KDM6A: variants seen among roughly 807,000 people sequenced by gnomAD.
KDM6A encodes lysine-specific demethylase 6A.
KDM6A carries 11 observed loss-of-function variants against 117.6 expected under a neutral mutation model. The ratio of observed to expected loss-of-function variants is 0.09; its 90% CI spans 0.06 to 0.15. The LOEUF is 0.15. KDM6A is among the 10% of genes least tolerant of loss of function. The pLI, the probability that KDM6A is intolerant of heterozygous loss-of-function variation, is 1.00. For missense variants in KDM6A, 799 were observed against 1,077.3 expected (o/e 0.74, Z 3.62); for synonymous variants, 384 against 396.1 (o/e 0.97, Z 0.36).
intron 6 of KDM6A, among the ~76,000 whole-genome samples, chrX:45,024,024 A>C (rs144358604): frequency 8.9e-6 from 1 of 111,904 alleles, no homozygotes; most frequent in East Asian, 2.8e-4. Flanking sequence ...CATTTTCTTT[A>C]TCCACTCATT....
Position 44,961,280 on chromosome X carries a change from C to A in KDM6A, c.226-4C>A, listed in dbSNP as rs369346366. The A allele has an allele frequency of 2.1e-5, 25 of 1,178,012 alleles. No individual in the cohort carries two copies. In the African/African-American group the frequency reaches 3.5e-4, roughly 17 times the overall value. On this transcript the variant is annotated splice_region_variant and splice_polypyrimidine_tract_variant and intron_variant, in intron 2 of 29. Coordinates refer to ENST00000611820, the MANE Select transcript of KDM6A (RefSeq NM_001291415.2). The stretch of plus-strand genomic sequence containing the variant: ...CTTACATATTTGTATTTTTTTATTT[C>A]TAGGCTGTTCGCTGCTATGAATCTC...
intron 2 of KDM6A, among the ~76,000 whole-genome samples, chrX:44,891,721 C>G (rs1253318613): frequency 2.7e-5 from 3 of 111,906 alleles, no homozygotes; most frequent in Non-Finnish European, 5.6e-5. Context: ...TAACCTGACG[C>G]GTCCACCCTA....
chrX:44,950,673 T>TA (rs1277977668), intron 2 of KDM6A, among the ~76,000 whole-genome samples: 1 of 111,059 alleles, frequency 9.0e-6, no homozygotes, highest in East Asian at 2.8e-4. Flanking sequence ...TTGGAGTTAG[T>TA]AGTAAACTAG....
Position 45,058,940 on chromosome X carries a change from C to T in KDM6A, c.876-66C>T, listed in dbSNP as rs1432893439. On this transcript the variant is annotated intron_variant, in intron 10 of 29. Coordinates refer to ENST00000611820, the MANE Select transcript of KDM6A (RefSeq NM_001291415.2). ...GTGATATATAGTCCATCCTTTCAGC[C>T]GATTAATTTGTTTCAGTATTAATGG... 2.1e-5 allele frequency: 21 copies of T among 990,656 alleles called. No individual in the cohort carries two copies. The East Asian group carries it at 4.6e-4, about 22-fold the overall frequency. 81.6% of individuals were successfully genotyped at this position (990,656 alleles called of 1,213,427 possible). A position where few individuals can be genotyped will look rare whatever the true frequency, so the allele number is the denominator to read the frequency against.
At chrX:44,921,130 C>T (rs1361569538) in intron 2 of KDM6A, among the ~76,000 whole-genome samples, 1 of 110,866 alleles carries the variant, frequency 9.0e-6, no homozygotes, top group African/African-American at 3.3e-5. Context: ...GCCTCGGCCT[C>T]CCAAAATGCT....
chrX:45,002,807 T>C (rs1286429115), intron 4 of KDM6A, among the ~76,000 whole-genome samples: 1 of 108,187 alleles, frequency 9.2e-6, no homozygotes, highest in Non-Finnish European at 1.9e-5. Flanking sequence ...TAATTTATTT[T>C]AGGACAAGAA....
At chrX:45,040,645 C>G (rs1238194693) in intron 8 of KDM6A, among the ~76,000 whole-genome samples, 18 of 89,101 alleles carry the variant, frequency 2.0e-4, no homozygotes, top group East Asian at 1.2e-3. Context: ...ACTTCCCTCC[C>G]GGACGGGGCG....
intron 27 of KDM6A, among the ~76,000 whole-genome samples, chrX:45,101,626 A>G (rs141535729): frequency 5.4e-5 from 6 of 111,113 alleles, no homozygotes; most frequent in East Asian, 2.8e-4. Flanking sequence ...TACCATACCA[A>G]TAGTGCTGAG....
chrX:44,974,957 T>A (rs576027846), intron 4 of KDM6A, among the ~76,000 whole-genome samples: 1 of 111,978 alleles, frequency 8.9e-6, no homozygotes, highest in East Asian at 2.8e-4. Flanking sequence ...GTAATAGAAG[T>A]GTGATAAGTA....
intron 2 of KDM6A, among the ~76,000 whole-genome samples, chrX:44,942,698 G>A: frequency 9.2e-6 from 1 of 108,869 alleles, no homozygotes; most frequent in Non-Finnish European, 1.9e-5. Flanking sequence ...AAATTAGGGG[G>A]GATTGATATT....
intron 2 of KDM6A, among the ~76,000 whole-genome samples, chrX:44,905,322 T>G (rs1193159663): frequency 8.9e-6 from 1 of 112,048 alleles, no homozygotes; most frequent in Non-Finnish European, 1.9e-5. Flanking sequence ...GTACCTTTTC[T>G]ATGTTTAGAT....
At chrX:44,987,521 G>T (rs997669127) in intron 4 of KDM6A, among the ~76,000 whole-genome samples, 4 of 111,782 alleles carry the variant, frequency 3.6e-5, no homozygotes, top group Non-Finnish European at 5.6e-5. Context: ...TTTACAATTT[G>T]TCATGTTTTT....
intron 5 of KDM6A, among the ~76,000 whole-genome samples, chrX:45,016,601 G>A (rs994461075): frequency 1.8e-5 from 2 of 111,265 alleles, no homozygotes; most frequent in Non-Finnish European, 3.8e-5. Context: ...CTGGATTCAA[G>A]CTATTCTTCC....
chrX:45,053,777 T>G (rs2043956439), intron 9 of KDM6A, 52 bp from the exon 10 acceptor site: 1 of 991,554 alleles, frequency 1.0e-6, no homozygotes, highest in Admixed American at 2.2e-5. Context: ...TTCTTAAACA[T>G]AGAAGAACAA....
intron 10 of KDM6A, among the ~76,000 whole-genome samples, chrX:45,054,532 AC>A (rs1364189148): frequency 8.9e-6 from 1 of 112,015 alleles, no homozygotes; most frequent in Non-Finnish European, 1.9e-5. Flanking sequence ...CAAGTCTGTA[AC>A]CATTTCTCCA....
At chrX:45,039,049 G>A in intron 8 of KDM6A, among the ~76,000 whole-genome samples, 1 of 111,577 alleles carries the variant, frequency 9.0e-6, no homozygotes, top group Non-Finnish European at 1.9e-5. Flanking sequence ...GTTATAGGAT[G>A]TAATCAGACA....
chrX:45,083,678 A>G, intron 24 of KDM6A, 70 bp downstream of exon 24: 1 of 936,191 alleles, frequency 1.1e-6, no homozygotes, highest in South Asian at 2.1e-5. Context: ...ATGCAAAGAC[A>G]GCCAGAATCT....
At chrX:45,025,113 A>T (rs1200543031) in intron 6 of KDM6A, among the ~76,000 whole-genome samples, 1 of 112,003 alleles carries the variant, frequency 8.9e-6, no homozygotes, top group Non-Finnish European at 1.9e-5. Context: ...GCTTCAGCTA[A>T]TATCCCCTAA....
intron 2 of KDM6A, among the ~76,000 whole-genome samples, chrX:44,934,498 TCATGGTA>T (rs918108386): frequency 8.9e-6 from 1 of 112,137 alleles, no homozygotes; most frequent in African/African-American, 3.2e-5. Flanking sequence ...TTCTGAAAAA[TCATGGTA>T]ATGTGCCTTG....
Sources: gnomAD v4.1 joint callset for allele counts (sites outside exome capture counted in the v4.1 genomes callset) on GRCh38, gnomAD v4.1.1 for gene constraint, MANE v1.5 for transcripts, NCBI Gene and HGNC (gene_info 2026-07-23, HGNC 2026-07-21) for gene names.